The following ZNF804A variants were observed in gnomAD, a reference collection of about 807,000 sequenced individuals.
ZNF804A encodes the protein zinc finger protein 804A.
A neutral mutation model predicts 16.5 loss-of-function variants in ZNF804A; 2 were observed. The ratio of observed to expected loss-of-function variants is 0.12; its 90% confidence interval spans 0.05 to 0.38. The LOEUF (loss-of-function observed/expected upper bound fraction) is 0.38. Ranked by LOEUF, ZNF804A falls within the 10% of genes least tolerant of loss-of-function variation. The pLI, the probability that ZNF804A is intolerant of heterozygous loss-of-function variation, is 0.99. For synonymous variants in ZNF804A, 534 were observed against 489.6 expected (o/e 1.09, Z -1.20); for missense variants, 1,473 against 1,390.7 (o/e 1.06, Z -0.94).
At chr2:184,903,270 C>A (rs116651107) in intron 2 of ZNF804A, among the ~76,000 whole-genome samples, 1 of 152,112 alleles carries the variant, frequency 6.6e-6, no homozygotes, top group Non-Finnish European at 1.5e-5. Context: ...TACAGTCAAG[C>A]ACCACATCAT....
At chr2:184,863,058 G>T (rs977997091) in intron 1 of ZNF804A, among the ~76,000 whole-genome samples, 5 of 152,200 alleles carry the variant, frequency 3.3e-5, no homozygotes, top group African/African-American at 2.4e-5. Flanking sequence ...AGATGAAAGG[G>T]TATGAGATGG....
chr2:184,876,475 CAAATT>C (rs1684681651), intron 2 of ZNF804A, among the ~76,000 whole-genome samples: 1 of 151,984 alleles, frequency 6.6e-6, no homozygotes, highest in East Asian at 1.9e-4. Context: ...TCTCTTAGAA[CAAATT>C]AAAGACATAC....
chr2:184,645,834 A>G (rs980592532), intron 1 of ZNF804A, among the ~76,000 whole-genome samples: 15 of 152,178 alleles, frequency 9.9e-5, no homozygotes, highest in African/African-American at 3.6e-4. Flanking sequence ...CAGGGAGGAG[A>G]ACACTGAAAA....
chr2:184,777,258 C>A (rs912967930), intron 1 of ZNF804A, among the ~76,000 whole-genome samples: 1 of 151,604 alleles, frequency 6.6e-6, no homozygotes, highest in Non-Finnish European at 1.5e-5. Context: ...TTTTGATATA[C>A]CATTTTGGAA....
chr2:184,811,801 T>A (rs1281886331), intron 1 of ZNF804A, among the ~76,000 whole-genome samples: 3 of 152,232 alleles, frequency 2.0e-5, no homozygotes, highest in African/African-American at 7.2e-5. Flanking sequence ...TTAGCCTCCA[T>A]CTTAATTAAT....
intron 1 of ZNF804A, among the ~76,000 whole-genome samples, chr2:184,682,547 A>G (rs1201495703): frequency 6.6e-6 from 1 of 152,046 alleles, no homozygotes; most frequent in African/African-American, 2.4e-5. Flanking sequence ...GATGTCTCCA[A>G]CCCTTGTGGC....
chr2:184,916,468 A>G (rs1447760570), intron 2 of ZNF804A, among the ~76,000 whole-genome samples: 1 of 152,220 alleles, frequency 6.6e-6, no homozygotes, highest in Admixed American at 6.5e-5. Context: ...AAAAATATAA[A>G]GAGAATTATC....
chr2:184,835,370 C>A (rs1394593582), intron 1 of ZNF804A, among the ~76,000 whole-genome samples: 1 of 152,190 alleles, frequency 6.6e-6, no homozygotes, highest in East Asian at 1.9e-4. Flanking sequence ...AATTAAAGGG[C>A]AGATTATGCA....
chr2:184,913,386 T>G (rs1441159141), intron 2 of ZNF804A, among the ~76,000 whole-genome samples: 1 of 152,202 alleles, frequency 6.6e-6, no homozygotes, highest in Non-Finnish European at 1.5e-5. Context: ...TGACTTCAAG[T>G]TATTCTCTAG....
intron 1 of ZNF804A, among the ~76,000 whole-genome samples, chr2:184,616,265 C>T (rs374190054): frequency 2.0e-5 from 3 of 152,032 alleles, no homozygotes; most frequent in African/African-American, 4.8e-5. Flanking sequence ...AGCTGTGTAA[C>T]CTGAGTCAGT....
chr2:184,764,442 A>G (rs987091983), intron 1 of ZNF804A, among the ~76,000 whole-genome samples: 2 of 152,186 alleles, frequency 1.3e-5, no homozygotes, highest in African/African-American at 2.4e-5. Context: ...AATTTCCTTG[A>G]GTAATTAACC....
intron 2 of ZNF804A, among the ~76,000 whole-genome samples, chr2:184,903,619 C>T (rs1478726996): frequency 6.6e-6 from 1 of 152,136 alleles, no homozygotes; most frequent in Non-Finnish European, 1.5e-5. Context: ...CATTTCTGTG[C>T]TCCTACTCTA....
At chr2:184,737,584 C>A (rs1197585157) in intron 1 of ZNF804A, among the ~76,000 whole-genome samples, 4 of 152,062 alleles carry the variant, frequency 2.6e-5, no homozygotes, top group Admixed American at 2.6e-4. Flanking sequence ...ACATGACTTG[C>A]TGACCTATTT....
At chr2:184,754,142 G>A (rs1189227657) in intron 1 of ZNF804A, among the ~76,000 whole-genome samples, 1 of 151,726 alleles carries the variant, frequency 6.6e-6, no homozygotes, top group Non-Finnish European at 1.5e-5. Context: ...CCAGGCTCAT[G>A]TTCTGTCCTC....
intron 1 of ZNF804A, among the ~76,000 whole-genome samples, chr2:184,627,613 A>G (rs359888): frequency 0.98 from 148,825 of 152,268 alleles, 72,795 homozygotes; most frequent in Non-Finnish European, 0.99. Flanking sequence ...ATAAGTGTAT[A>G]TGCAAATGTA....
chr2:184,856,311 C>G (rs1033607686), intron 1 of ZNF804A, among the ~76,000 whole-genome samples: 1 of 151,918 alleles, frequency 6.6e-6, no homozygotes, highest in African/African-American at 2.4e-5. Context: ...AGAGGAACCA[C>G]TTTCTCTTCC....
At chr2:184,893,605 A>G (rs1448439074) in intron 2 of ZNF804A, among the ~76,000 whole-genome samples, 1 of 152,170 alleles carries the variant, frequency 6.6e-6, no homozygotes, top group Non-Finnish European at 1.5e-5. Flanking sequence ...AAGATATTCT[A>G]AAATATTTCC....
At chr2:184,664,054 C>G (rs1692220107) in intron 1 of ZNF804A, among the ~76,000 whole-genome samples, 1 of 152,152 alleles carries the variant, frequency 6.6e-6, no homozygotes, top group African/African-American at 2.4e-5. Context: ...TATACTTTGT[C>G]TCTTTTGTGT....
intron 1 of ZNF804A, among the ~76,000 whole-genome samples, chr2:184,614,926 A>G (rs1156707394): frequency 6.6e-6 from 1 of 152,198 alleles, no homozygotes; most frequent in Non-Finnish European, 1.5e-5. Context: ...GAAAACTTTT[A>G]CACTGTTGGT....
Sources: allele counts gnomAD v4.1 joint callset (sites outside exome capture counted in the v4.1 genomes callset), GRCh38; gene constraint gnomAD v4.1.1; transcripts MANE v1.5; gene names NCBI Gene and HGNC (gene_info 2026-07-23, HGNC 2026-07-21).